FSTL5: variants seen among roughly 807,000 people sequenced by gnomAD.
FSTL5 encodes follistatin like 5.
FSTL5 carries 62 observed loss-of-function variants against 89.1 expected under a neutral mutation model. The ratio of observed to expected loss-of-function variants is 0.70; its 90% CI spans 0.57 to 0.86. The LOEUF is 0.86. Ranked by LOEUF, FSTL5 falls within the 40% of genes least tolerant of loss-of-function variation. FSTL5 has a pLI of 0.00. For synonymous variants in FSTL5, 383 were observed against 346.2 expected (o/e 1.11, Z -1.18); for missense variants, 1,057 against 1,001.6 (o/e 1.06, Z -0.75).
chr4:161,860,568 G>A (rs934927573), intron 4 of FSTL5, among the ~76,000 whole-genome samples: 2 of 152,158 alleles, frequency 1.3e-5, no homozygotes, highest in Non-Finnish European at 2.9e-5. Flanking sequence ...CTATGTACAC[G>A]CGATGGTAAC....
At chr4:162,100,040 C>A (rs1730926239) in intron 2 of FSTL5, among the ~76,000 whole-genome samples, 1 of 152,098 alleles carries the variant, frequency 6.6e-6, no homozygotes, top group African/African-American at 2.4e-5. Flanking sequence ...ATATGTTGAC[C>A]ATATGATCCA....
intron 15 of FSTL5, among the ~76,000 whole-genome samples, chr4:161,391,504 T>G (rs2110876835): frequency 6.6e-6 from 1 of 152,276 alleles, no homozygotes; most frequent in South Asian, 2.1e-4. Flanking sequence ...TTCATGGACA[T>G]AAACCATAAA....
At chr4:161,786,414 G>A (rs138647614) in intron 4 of FSTL5, among the ~76,000 whole-genome samples, 60 of 152,146 alleles carry the variant, frequency 3.9e-4, no homozygotes, top group Non-Finnish European at 8.2e-4. Flanking sequence ...AGAAAGCCAT[G>A]TCCCTTAGGT....
chr4:161,619,960 C>T (rs1430212516), intron 7 of FSTL5, among the ~76,000 whole-genome samples: 1 of 151,958 alleles, frequency 6.6e-6, no homozygotes, highest in Non-Finnish European at 1.5e-5. Flanking sequence ...CAACGATAGA[C>T]TGGATTGAGA....
At chr4:161,677,451 G>C (rs1737346775) in intron 6 of FSTL5, among the ~76,000 whole-genome samples, 1 of 151,854 alleles carries the variant, frequency 6.6e-6, no homozygotes, top group Non-Finnish European at 1.5e-5. Context: ...CCTTTTTAAT[G>C]GCCATAATTT....
chr4:161,564,587 G>C (rs1308000534), intron 8 of FSTL5, among the ~76,000 whole-genome samples: 1 of 151,066 alleles, frequency 6.6e-6, no homozygotes, highest in African/African-American at 2.4e-5. Flanking sequence ...CCTTGACATA[G>C]TAATGTATCA....
At chr4:162,140,763 A>T (rs1236422517) in intron 1 of FSTL5, among the ~76,000 whole-genome samples, 1 of 152,206 alleles carries the variant, frequency 6.6e-6, no homozygotes, top group African/African-American at 2.4e-5. Flanking sequence ...AGTGGAGGTG[A>T]TAAAACAATA....
intron 3 of FSTL5, among the ~76,000 whole-genome samples, chr4:161,997,599 A>ATT: frequency 9.5e-6 from 1 of 105,140 alleles, no homozygotes; most frequent in Non-Finnish European, 1.9e-5. Context: ...TATACATGTT[A>ATT]TCTTTTTTTT....
chr4:161,726,518 G>A (rs145095807), intron 6 of FSTL5, among the ~76,000 whole-genome samples: 124 of 152,094 alleles, frequency 8.2e-4, no homozygotes, highest in African/African-American at 2.9e-3. Flanking sequence ...ATGAGCCGCC[G>A]CGCCTGGACA....
At chr4:161,727,659 A>G (rs1014706626) in intron 6 of FSTL5, among the ~76,000 whole-genome samples, 33 of 152,154 alleles carry the variant, frequency 2.2e-4, no homozygotes, top group African/African-American at 7.7e-4. Context: ...TTCCTAATAT[A>G]AGCTATATTT....
At chr4:161,965,818 G>T (rs1735310130) in intron 3 of FSTL5, among the ~76,000 whole-genome samples, 1 of 151,990 alleles carries the variant, frequency 6.6e-6, no homozygotes, top group Non-Finnish European at 1.5e-5. Context: ...ATTGTAAAGT[G>T]TTTTAGAAAT....
intron 12 of FSTL5, chr4:161,495,256 AAAAGTATC>A (rs1730027195): frequency 6.6e-6 from 1 of 152,306 alleles, no homozygotes; most frequent in East Asian, 1.9e-4. Context: ...GGCTGAATGT[AAAAGTATC>A]AAAGAATAAA....
At chr4:161,476,421 A>G (rs1734153089) in intron 13 of FSTL5, among the ~76,000 whole-genome samples, 1 of 151,962 alleles carries the variant, frequency 6.6e-6, no homozygotes, top group Non-Finnish European at 1.5e-5. Flanking sequence ...TCCTGACCTC[A>G]GGTGACCCAC....
chr4:161,497,628 T>C (rs1172441675), intron 12 of FSTL5, among the ~76,000 whole-genome samples: 1 of 149,742 alleles, frequency 6.7e-6, no homozygotes, highest in Non-Finnish European at 1.5e-5. Context: ...TAATATAGTA[T>C]AAGAATGCAA....
chr4:161,907,361 T>C (rs772194289), intron 4 of FSTL5, among the ~76,000 whole-genome samples: 3 of 152,104 alleles, frequency 2.0e-5, no homozygotes, highest in Admixed American at 6.6e-5. Flanking sequence ...ACACACACGA[T>C]TTTATTTTGA....
At chr4:161,644,183 A>G (rs895780715) in intron 7 of FSTL5, among the ~76,000 whole-genome samples, 3 of 152,180 alleles carry the variant, frequency 2.0e-5, no homozygotes, top group Non-Finnish European at 2.9e-5. Flanking sequence ...GTAGATAAAA[A>G]TGACAAGAGA....
chr4:161,846,419 AT>A (rs1434746588), intron 4 of FSTL5, among the ~76,000 whole-genome samples: 1 of 152,096 alleles, frequency 6.6e-6, no homozygotes, highest in African/African-American at 2.4e-5. Context: ...TCTTGAATGT[AT>A]TTTTTAGAGT....
chr4:162,063,282 A>G (rs1026488538), intron 2 of FSTL5, among the ~76,000 whole-genome samples: 3 of 151,816 alleles, frequency 2.0e-5, no homozygotes, highest in Non-Finnish European at 2.9e-5. Flanking sequence ...TCAAAAATAT[A>G]CATAGTTTTA....
At chr4:162,153,727 TG>T (rs1313504768) in intron 1 of FSTL5, among the ~76,000 whole-genome samples, 6 of 55,340 alleles carry the variant, frequency 1.1e-4, no homozygotes, top group Admixed American at 4.5e-4. Flanking sequence ...TAATAATATA[TG>T]TATATATGTA....
Sources: allele counts gnomAD v4.1 joint callset (sites outside exome capture counted in the v4.1 genomes callset), GRCh38; gene constraint gnomAD v4.1.1; transcripts MANE v1.5; gene names NCBI Gene and HGNC (gene_info 2026-07-23, HGNC 2026-07-21).